PLEKHA6: variants seen among roughly 807,000 people sequenced by gnomAD.
PLEKHA6 encodes the protein pleckstrin homology domain-containing family A member 6.
Under a neutral mutation model 116.7 loss-of-function variants are expected in PLEKHA6, and 60 were observed. The ratio of observed to expected loss-of-function variants is 0.51; its 90% CI spans 0.42 to 0.64. The LOEUF (loss-of-function observed/expected upper bound fraction) is 0.64, where lower values mean the gene tolerates loss of function less well. Ranked by LOEUF, PLEKHA6 falls within the 30% of genes least tolerant of loss-of-function variation. PLEKHA6 has a pLI of 0.00. For missense variants in PLEKHA6, 1,338 were observed against 1,422.7 expected, an observed-to-expected ratio of 0.94 and a Z score of 0.96; for synonymous variants, 489 against 556.1, an observed-to-expected ratio of 0.88 and a Z score of 1.70.
chr1:204,226,150 T>C (rs558664668), intron 21 of PLEKHA6, among the ~76,000 whole-genome samples: 1 of 152,360 alleles, frequency 6.6e-6, no homozygotes, highest in East Asian at 1.9e-4. Flanking sequence ...CCAGTCTTGC[T>C]GTGCCTGGCA....
At position 204,219,326 on chromosome 1, in the gene PLEKHA6, GA is replaced by G. The variant is rs755380389; in HGVS notation, c.*3461del. 2 of 152,306 alleles carry G rather than the reference GA, an allele frequency of 1.3e-5. No homozygotes were observed. Among genetic ancestry groups the G allele is most frequent in the Non-Finnish European group, 2.9e-5 (2 of 68,004 alleles). The allele number at this position is 152,306 out of a possible 1,614,324, so 9.4% of individuals were successfully genotyped here. ...TGCCAGGTAGAGGGTGCCTAAAGGGGAAAGGAATTGGTTCCCTCTTGCCGTA... is the reference window on the plus strand; with the variant it reads ...TGCCAGGTAGAGGGTGCCTAAAGGGGAAGGAATTGGTTCCCTCTTGCCGTA... On this transcript the variant is annotated 3_prime_UTR_variant, in exon 23 of 23. Coordinates refer to ENST00000272203, the MANE Select transcript of PLEKHA6 (RefSeq NM_014935.5).
Position 204,238,606 on chromosome 1 carries a change from CAAGT to C in PLEKHA6, c.2409+2765_2409+2768del, listed in dbSNP as rs1285241766. 1.3e-5 allele frequency among the ~76,000 whole-genome samples: 2 copies of C among 152,260 alleles called. No homozygotes were observed. Among genetic ancestry groups the C allele is most frequent in the Admixed American group, 6.5e-5 (1 of 15,298 alleles). ...CAGGCTCGAGCAGGTCCTGAAGGCA[CAAGT>C]AAGTTACATGAGGAAGTGGCTCAAA... On this transcript the variant is annotated intron_variant, in intron 17 of 22. Transcript: ENST00000272203. The surrounding 1 kb of genome is among the most constrained non-coding windows in gnomAD (Gnocchi z 4.2).
At chr1:204,345,120 G>T (rs116084378) in intron 1 of PLEKHA6, among the ~76,000 whole-genome samples, 2,564 of 152,282 alleles carry the variant, frequency 0.017, 62 homozygotes, top group African/African-American at 0.055. Context: ...TTTCCAACTG[G>T]CTGATTCAGC....
chr1:204,268,902 G>A (rs922003958), intron 3 of PLEKHA6, among the ~76,000 whole-genome samples: 2 of 152,054 alleles, frequency 1.3e-5, no homozygotes, highest in African/African-American at 2.4e-5. Context: ...CTTCTCAATC[G>A]TTCTTTCAGT....
At chr1:204,233,160 ATTCT>A (rs1222357482) in intron 17 of PLEKHA6, among the ~76,000 whole-genome samples, 168 of 144,930 alleles carry the variant, frequency 1.2e-3, no homozygotes, top group African/African-American at 4.0e-3. Context: ...AGATTAATTT[ATTCT>A]TTCTTTCTTT....
chr1:204,259,361 G>C lies in PLEKHA6; in HGVS notation c.904C>G (p.Arg302Gly). Residue 302 changes from arginine to glycine, a missense_variant, in exon 8 of 23, where the codon CGC becomes GGC. Physicochemically the swap from Arg to Gly is moderately radical, Grantham distance 125. Coordinates refer to ENST00000272203, the MANE Select transcript of PLEKHA6 (RefSeq NM_014935.5). This position sits in a 1 kb window ranked among gnomAD's most constrained non-coding sequence, Gnocchi z 4.6. ...TGGHRRSFPPRTNPDKIAQRK... is the reference protein window; with the variant it reads ...TGGHRRSFPPGTNPDKIAQRK... ...TGGGCAATTTTGTCAGGGTTGGTGC[G>C]TGGTGGGAAACTCCGCCGGTGTCCC... The C allele has an allele frequency of 6.2e-7, 1 of 1,614,226 alleles. No homozygotes were observed. The highest frequency in any genetic ancestry group is 8.5e-7 in the Non-Finnish European group (1 of 1,180,040).
rs79060932 is a variant in PLEKHA6, at chr1:204,313,458, C to T, written c.-94-38649G>A. ...CATCTGGCCTCGGGGACTCCCTGAA[C>T]ATAGGGATGACCTCCCCATTTCTCA... is the stretch of plus-strand genomic sequence containing the variant. On this transcript the variant is annotated intron_variant, in intron 1 of 22. Transcript: ENST00000272203. 1.4e-4 allele frequency: 76 copies of T among 555,876 alleles called. 2 individuals are homozygous for T. In the East Asian group the frequency reaches 0.01, roughly 75 times the overall value. The allele number at this position is 555,876 out of a possible 1,614,324, so 34.4% of individuals were successfully genotyped here.
chr1:204,359,739 G>A lies in PLEKHA6; in HGVS notation c.-140C>T. 1 of 969,472 alleles carries A rather than the reference G, an allele frequency of 1.0e-6. No homozygotes were observed. The highest frequency in any genetic ancestry group is 1.1e-4 in the East Asian group (1 of 8,702). 60.1% of individuals were successfully genotyped at this position (969,472 alleles called of 1,614,324 possible). A position where few individuals can be genotyped will look rare whatever the true frequency, so the allele number is the denominator to read the frequency against. On this transcript the variant is annotated 5_prime_UTR_variant, in exon 1 of 23. Coordinates refer to ENST00000272203, the MANE Select transcript of PLEKHA6 (RefSeq NM_014935.5). ...CCGCGCTGGAAAGCTCTAACTCTGC[G>A]AGCCCCAAGGCACCCCTCCCCCCAG...
chr1:204,223,530 T>G lies in PLEKHA6; in HGVS notation c.3087A>C (p.Ala1029=), dbSNP rs1336310023. The change falls in exon 22 of 23, where the codon GCA becomes GCC. Residue 1029 remains alanine, a synonymous_variant. Transcript: ENST00000272203. This position sits in a 1 kb window ranked among gnomAD's most constrained non-coding sequence, Gnocchi z 4.8. The part of the protein sequence containing the change: ...PTSPASPAPP[A]NPLSSESPRG... ...GTGGGGATTCAGACGACAGGGGGTTTGCTGGAGGAGCCGGGGAAGCAGGGG... is the reference window on the plus strand; with the variant it reads ...GTGGGGATTCAGACGACAGGGGGTTGGCTGGAGGAGCCGGGGAAGCAGGGG... 6.5e-7 allele frequency: 1 copy of G among 1,544,172 alleles called. No individual in the cohort carries two copies. Among genetic ancestry groups the G allele is most frequent in the South Asian group, 1.2e-5 (1 of 83,876 alleles).
rs532114150 is a variant in PLEKHA6 at position 204,310,865 on chromosome 1, G to A, written c.-94-36056C>T. ...AATCATAGTAAAGGACATTTAGGGAGAGAAAAGAGGCTCTGCTTTGGAGAA... is the reference window on the plus strand; with the variant it reads ...AATCATAGTAAAGGACATTTAGGGAAAGAAAAGAGGCTCTGCTTTGGAGAA... On this transcript the variant is annotated intron_variant, in intron 1 of 22. Transcript: ENST00000272203. Among the ~76,000 whole-genome samples, 15 of 152,332 alleles carry A rather than the reference G, an allele frequency of 9.8e-5. No homozygotes were observed. In the East Asian group the frequency reaches 2.9e-3, roughly 29 times the overall value.
At chr1:204,323,309 T>C (rs936687328) in intron 1 of PLEKHA6, among the ~76,000 whole-genome samples, 1 of 152,252 alleles carries the variant, frequency 6.6e-6, no homozygotes, top group Non-Finnish European at 1.5e-5. Context: ...GTCTTTTGCA[T>C]CGTTATCTCA....
intron 1 of PLEKHA6, among the ~76,000 whole-genome samples, chr1:204,331,823 C>T (rs2103272164): frequency 6.6e-6 from 1 of 152,142 alleles, no homozygotes; most frequent in South Asian, 2.1e-4. Context: ...CGGCTGTCCC[C>T]CCCGGGTCCC....
At chr1:204,267,623 G>C in intron 4 of PLEKHA6, 76 bp from the exon 5 acceptor site, 1 of 1,242,782 alleles carries the variant, frequency 8.0e-7, no homozygotes, top group Non-Finnish European at 1.2e-6. Flanking sequence ...AGGGAAAAGG[G>C]CACAGTGCCA....
chr1:204,304,779 C>A (rs537479032), intron 1 of PLEKHA6, among the ~76,000 whole-genome samples: 1 of 152,128 alleles, frequency 6.6e-6, no homozygotes, highest in Non-Finnish European at 1.5e-5. Context: ...AAAGATCCTA[C>A]GCTTTTGGGA....
intron 1 of PLEKHA6, among the ~76,000 whole-genome samples, chr1:204,288,792 G>A (rs1406006670): frequency 6.6e-6 from 1 of 152,130 alleles, no homozygotes; most frequent in Non-Finnish European, 1.5e-5. Flanking sequence ...TCAGAAGTTT[G>A]GAGAGCAGCA....
intron 1 of PLEKHA6, among the ~76,000 whole-genome samples, chr1:204,349,644 A>C (rs1673209026): frequency 6.6e-6 from 1 of 152,118 alleles, no homozygotes; most frequent in Admixed American, 6.5e-5. Flanking sequence ...CCTGAGCAAC[A>C]GAGACCCAGC....
intron 1 of PLEKHA6, among the ~76,000 whole-genome samples, chr1:204,335,408 A>G (rs1351357559): frequency 6.6e-6 from 1 of 151,994 alleles, no homozygotes; most frequent in South Asian, 2.1e-4. Flanking sequence ...TCCCCAGCAG[A>G]GAAAGGCCCT....
upstream of PLEKHA6, among the ~76,000 whole-genome samples, chr1:204,364,777 T>A (rs73061811): frequency 0.031 from 4,791 of 152,272 alleles, 268 homozygotes; most frequent in African/African-American, 0.11. Flanking sequence ...CACAGCAGCA[T>A]AACCTGAGAA....
chr1:204,350,801 C>T (rs958742622), intron 1 of PLEKHA6, among the ~76,000 whole-genome samples: 9 of 152,184 alleles, frequency 5.9e-5, no homozygotes, highest in African/African-American at 2.2e-4. Flanking sequence ...ATCCCCTAAA[C>T]GTCCCATGAA....
Sources: allele counts gnomAD v4.1 joint callset (sites outside exome capture counted in the v4.1 genomes callset), GRCh38; gene constraint gnomAD v4.1.1; non-coding constraint Gnocchi (gnomAD v3.1); transcripts MANE v1.5; gene names NCBI Gene and HGNC (gene_info 2026-07-23, HGNC 2026-07-21).